The following CAPZA2 variants were observed in gnomAD, a reference collection of about 807,000 sequenced individuals.
The protein encoded by CAPZA2 is F-actin-capping protein subunit alpha-2.
Under a neutral mutation model 44.0 loss-of-function variants are expected in CAPZA2, and 13 were observed. The ratio of observed to expected loss-of-function variants is 0.30; its 90% confidence interval spans 0.19 to 0.47. The LOEUF is 0.47. Among genes scored for constraint, CAPZA2 ranks in the 20% least tolerant of loss-of-function variants. The probability of loss-of-function intolerance (pLI) is 1.00; values close to 1 mark genes in which losing one functional copy is unlikely to be tolerated. For synonymous variants in CAPZA2, 94 were observed against 108.2 expected (o/e 0.87, Z 0.81); for missense variants, 244 against 338.6 (o/e 0.72, Z 2.19).
At chr7:116,889,580 A>C (rs1404564801) in intron 2 of CAPZA2, among the ~76,000 whole-genome samples, 1 of 152,062 alleles carries the variant, frequency 6.6e-6, no homozygotes, top group Non-Finnish European at 1.5e-5. Context: ...AAAAAAAAAA[A>C]AGATATAATG....
intron 6 of CAPZA2, 25 bp downstream of exon 6, chr7:116,906,367 G>C (rs748690411): frequency 6.2e-7 from 1 of 1,608,182 alleles, no homozygotes. Flanking sequence ...TGGATATTGG[G>C]GAGTTTTGGC....
rs201188214 is a variant in CAPZA2 at position 116,913,749 on chromosome 7, C to T, written c.657+1609C>T. Among the ~76,000 whole-genome samples, 45 of 149,176 alleles carry T rather than the reference C, an allele frequency of 3.0e-4. No homozygotes were observed. The East Asian group carries it at 6.4e-3, about 21-fold the overall frequency. ...TCCTGAGTAGCTGGGACTACAGGCACGTGCCACCACACCCAGCTAATTTTT... is the reference window on the plus strand; with the variant it reads ...TCCTGAGTAGCTGGGACTACAGGCATGTGCCACCACACCCAGCTAATTTTT... On this transcript the variant is annotated intron_variant, in intron 8 of 9. Transcript: ENST00000361183.
At chr7:116,881,479 C>T (rs1796698134) in intron 1 of CAPZA2, among the ~76,000 whole-genome samples, 1 of 152,142 alleles carries the variant, frequency 6.6e-6, no homozygotes. Context: ...GTGGCTCACA[C>T]CTGTAATCCC....
Position 116,892,974 on chromosome 7 carries a change from A to T in CAPZA2, c.104-20A>T, listed in dbSNP as rs754766168. The T allele has an allele frequency of 1.3e-6, 2 of 1,550,662 alleles. No homozygotes were observed. The highest frequency in any genetic ancestry group is 2.7e-5 in the African/African-American group (2 of 73,398). ...GAAACATATAACAATAATAATGTAG[A>T]TAACATAATTGTTTTGCAGATGTTC... On this transcript the variant is annotated intron_variant, in intron 2 of 9. Coordinates refer to ENST00000361183, the MANE Select transcript of CAPZA2 (RefSeq NM_006136.3).
At chr7:116,903,233 A>AGTGTGTGTGTGTGTGT (rs71148342) in intron 4 of CAPZA2, among the ~76,000 whole-genome samples, 10 of 146,438 alleles carry the variant, frequency 6.8e-5, no homozygotes, top group African/African-American at 2.0e-4. Context: ...TGCAGAGAAG[A>AGTGTGTGTGTGTGTGT]GTGTGTGTGT....
chr7:116,888,448 A>G (rs537353794), intron 2 of CAPZA2: 128 of 323,998 alleles, frequency 4.0e-4, no homozygotes, highest in African/African-American at 2.5e-3. Context: ...ATATATCCTC[A>G]TTCTGGGAAA....
chr7:116,891,873 T>G (rs1413109597), intron 2 of CAPZA2, among the ~76,000 whole-genome samples: 1 of 152,160 alleles, frequency 6.6e-6, no homozygotes, highest in East Asian at 1.9e-4. Context: ...GAATAGGCAG[T>G]GGGTTTTTTC....
rs528279761 is a variant in CAPZA2, at chr7:116,918,066, T to A, written c.*199T>A. The A allele has an allele frequency of 2.1e-6, 1 of 476,564 alleles. No homozygotes were observed. Among genetic ancestry groups the A allele is most frequent in the East Asian group, 3.2e-5 (1 of 31,698 alleles). 29.5% of individuals were successfully genotyped at this position (476,564 alleles called of 1,614,324 possible). A position where few individuals can be genotyped will look rare whatever the true frequency, so the allele number is the denominator to read the frequency against. The stretch of plus-strand genomic sequence containing the variant: ...TTGTTTGTTCTAAGAGGATTGAAAA[T>A]CAGTTTAGTTTAAATGTCTTTCTGT... On this transcript the variant is annotated 3_prime_UTR_variant, in exon 10 of 10. Coordinates refer to ENST00000361183, the MANE Select transcript of CAPZA2 (RefSeq NM_006136.3).
At position 116,916,136 on chromosome 7, in the gene CAPZA2, A is replaced by T; in HGVS notation, c.720+14A>T. 2 of 1,528,746 alleles carry T rather than the reference A, an allele frequency of 1.3e-6. No individual in the cohort carries two copies. The highest frequency in any genetic ancestry group is 2.6e-5 in the South Asian group (2 of 77,294). 94.7% of individuals were successfully genotyped at this position (1,528,746 alleles called of 1,614,324 possible). On this transcript the variant is annotated intron_variant, in intron 9 of 9. Transcript: ENST00000361183. ...AATGAATACCAGGTATGATTTTTTAAATATTATATAAGCTACACTCACATA... is the reference window on the plus strand; with the variant it reads ...AATGAATACCAGGTATGATTTTTTATATATTATATAAGCTACACTCACATA...
rs771007422 is a variant in CAPZA2 at position 116,893,043 on chromosome 7, C to T, written c.153C>T (p.Ala51=). The change falls in exon 3 of 10, where the codon GCC becomes GCT. Residue 51 remains alanine, a splice_region_variant and synonymous_variant. Transcript: ENST00000361183. ...NNDNLLREGA[A]HAFAQYNLDQ... Reference sequence around the variant, plus strand: ...ACAATCTTCTCAGGGAAGGAGCAGCCCAGTAAGTATTATTTATCATACTAA... The same window carrying T: ...ACAATCTTCTCAGGGAAGGAGCAGCTCAGTAAGTATTATTTATCATACTAA... The T allele has an allele frequency of 1.9e-6, 3 of 1,589,936 alleles. No homozygotes were observed. In the South Asian group the frequency reaches 3.4e-5, roughly 18 times the overall value.
At chr7:116,885,909 A>G (rs1479488335) in intron 1 of CAPZA2, among the ~76,000 whole-genome samples, 2 of 152,148 alleles carry the variant, frequency 1.3e-5, no homozygotes, top group African/African-American at 2.4e-5. Context: ...TAATAAACAT[A>G]ACCTTCAGCC....
chr7:116,914,983 G>A (rs1183117365), intron 8 of CAPZA2, among the ~76,000 whole-genome samples: 3 of 152,092 alleles, frequency 2.0e-5, no homozygotes, highest in African/African-American at 4.8e-5. Flanking sequence ...GACATTGAGC[G>A]AAGATGCTTC....
intron 9 of CAPZA2, among the ~76,000 whole-genome samples, 183 bp downstream of exon 9, chr7:116,916,305 A>G (rs1222129807): frequency 6.6e-6 from 1 of 152,170 alleles, no homozygotes; most frequent in Non-Finnish European, 1.5e-5. Context: ...AAGTAAATTG[A>G]ATTCCATTAA....
At chr7:116,913,769 A>ATTTT (rs10717939) in intron 8 of CAPZA2, among the ~76,000 whole-genome samples, 3 of 87,702 alleles carry the variant, frequency 3.4e-5, no homozygotes, top group Non-Finnish European at 2.2e-5. Context: ...CACCCAGCTA[A>ATTTT]TTTTTTTTTT....
intron 1 of CAPZA2, among the ~76,000 whole-genome samples, chr7:116,878,429 A>G (rs1796648243): frequency 6.6e-6 from 1 of 152,204 alleles, no homozygotes; most frequent in Admixed American, 6.5e-5. Flanking sequence ...CAGAATAATC[A>G]TAGATAATAT....
Position 116,901,921 on chromosome 7 carries a change from A to G in CAPZA2, c.220-2256A>G, listed in dbSNP as rs997512916. Among the ~76,000 whole-genome samples the G allele has an allele frequency of 7.6e-4, 98 of 128,750 alleles. 1 individual carries two copies. The highest frequency in any genetic ancestry group is 1.9e-3 in the African/African-American group (61 of 31,534). 84.5% of individuals were successfully genotyped at this position (128,750 alleles called of 152,430 possible). ...TGTGTGTGTGTGTGTGTATGTGTGTATATATATATATGTATATATTTATGA... is the reference window on the plus strand; with the variant it reads ...TGTGTGTGTGTGTGTGTATGTGTGTGTATATATATATGTATATATTTATGA... On this transcript the variant is annotated intron_variant, in intron 4 of 9. Transcript: ENST00000361183.
intron 8 of CAPZA2, among the ~76,000 whole-genome samples, 170 bp downstream of exon 8, chr7:116,912,310 T>G (rs1012164397): frequency 2.6e-5 from 4 of 152,206 alleles, no homozygotes; most frequent in Non-Finnish European, 5.9e-5. Flanking sequence ...CTTTGAGATA[T>G]AATTTGTATA....
chr7:116,890,298 C>T (rs1029355032), intron 2 of CAPZA2, among the ~76,000 whole-genome samples: 1 of 151,020 alleles, frequency 6.6e-6, no homozygotes, highest in African/African-American at 2.4e-5. Flanking sequence ...TTAAATAGGC[C>T]TGGGTAGAGG....
chr7:116,916,628 A>C (rs909134245), intron 9 of CAPZA2, among the ~76,000 whole-genome samples: 2 of 152,234 alleles, frequency 1.3e-5, no homozygotes, highest in African/African-American at 4.8e-5. Context: ...CCGTCTCAAA[A>C]AAAAAAAAGA....
Sources: allele counts gnomAD v4.1 joint callset (sites outside exome capture counted in the v4.1 genomes callset), GRCh38; gene constraint gnomAD v4.1.1; transcripts MANE v1.5; gene names NCBI Gene and HGNC (gene_info 2026-07-23, HGNC 2026-07-21).